The following PCBP3 variants were observed in gnomAD, a reference collection of about 807,000 sequenced individuals.
PCBP3 encodes the protein poly(rC) binding protein 3.
In PCBP3, 25 loss-of-function variants were observed where a neutral mutation model predicts 52.7. The observed-to-expected ratio is 0.47, with a 90% CI of 0.35 to 0.66. The LOEUF is 0.66. Ranked by LOEUF, PCBP3 falls within the 30% of genes least tolerant of loss-of-function variation. The pLI is 0.01. For synonymous variants in PCBP3, 162 were observed against 183.0 expected (o/e 0.89, Z 0.93); for missense variants, 391 against 490.3 (o/e 0.80, Z 1.91).
At chr21:45,882,228 A>T (rs886927582) in intron 5 of PCBP3, among the ~76,000 whole-genome samples, 7 of 152,220 alleles carry the variant, frequency 4.6e-5, no homozygotes, top group African/African-American at 1.2e-4. Context: ...TCTAACAGGT[A>T]TGAGCCGATA....
chr21:45,783,168 T>C (rs954833254), intron 4 of PCBP3, among the ~76,000 whole-genome samples: 5 of 152,172 alleles, frequency 3.3e-5, no homozygotes, highest in African/African-American at 1.2e-4. Flanking sequence ...ATTGCAGAAA[T>C]ATGGTTTTGG....
intron 17 of PCBP3, among the ~76,000 whole-genome samples, chr21:45,940,451 G>C (rs1286309646): frequency 6.6e-6 from 1 of 152,254 alleles, no homozygotes; most frequent in African/African-American, 2.4e-5. Flanking sequence ...CCGGAGGCTA[G>C]AGAGGAAGGC....
At chr21:45,777,541 G>T (rs1355747102) in intron 4 of PCBP3, among the ~76,000 whole-genome samples, 1 of 152,096 alleles carries the variant, frequency 6.6e-6, no homozygotes, top group Non-Finnish European at 1.5e-5. Flanking sequence ...CACCCTTGGG[G>T]ATACTGATAT....
intron 16 of PCBP3, among the ~76,000 whole-genome samples, chr21:45,936,156 G>C (rs1225168023): frequency 6.6e-6 from 1 of 152,182 alleles, no homozygotes; most frequent in East Asian, 1.9e-4. Flanking sequence ...CATACAAGTT[G>C]ACCATAGGAA....
At chr21:45,776,369 T>C (rs1333010075) in intron 4 of PCBP3, among the ~76,000 whole-genome samples, 6 of 152,164 alleles carry the variant, frequency 3.9e-5, no homozygotes, top group Admixed American at 3.9e-4. Context: ...ATTTTCTCTC[T>C]AGAGTGAAAA....
At chr21:45,823,160 C>T (rs2839011) in intron 4 of PCBP3, among the ~76,000 whole-genome samples, 33,266 of 152,134 alleles carry the variant, frequency 0.22, 3,690 homozygotes, top group African/African-American at 0.24. Flanking sequence ...AACTTTCTGG[C>T]CTAAAACTGA....
chr21:45,873,685 G>A (rs1345169204), intron 5 of PCBP3, among the ~76,000 whole-genome samples: 1 of 152,216 alleles, frequency 6.6e-6, no homozygotes, highest in Non-Finnish European at 1.5e-5. Context: ...GCTGGGTACT[G>A]AAAGGCCTTC....
At chr21:45,662,147 CA>C (rs2080437168) in intron 1 of PCBP3, among the ~76,000 whole-genome samples, 2 of 151,958 alleles carry the variant, frequency 1.3e-5, no homozygotes, top group African/African-American at 4.8e-5. Flanking sequence ...TATTAAGTCC[CA>C]TTTGTCTATT....
intron 4 of PCBP3, among the ~76,000 whole-genome samples, chr21:45,782,684 A>G (rs1288754886): frequency 6.6e-6 from 1 of 152,256 alleles, no homozygotes; most frequent in Non-Finnish European, 1.5e-5. Context: ...TTCATGAAAC[A>G]GCCTACCCTG....
chr21:45,863,431 C>T (rs535068448), intron 5 of PCBP3, among the ~76,000 whole-genome samples: 4 of 152,326 alleles, frequency 2.6e-5, no homozygotes, highest in South Asian at 2.1e-4. Context: ...TTAGCTGCTG[C>T]GGCCGTGTGT....
chr21:45,757,982 G>T (rs558242376), intron 4 of PCBP3, among the ~76,000 whole-genome samples: 9 of 151,960 alleles, frequency 5.9e-5, no homozygotes, highest in Non-Finnish European at 1.3e-4. Flanking sequence ...CACCTCCAGG[G>T]CTCAGCTGAT....
chr21:45,753,374 A>G (rs1256934001), intron 3 of PCBP3, among the ~76,000 whole-genome samples: 1 of 151,870 alleles, frequency 6.6e-6, no homozygotes, highest in Non-Finnish European at 1.5e-5. Flanking sequence ...GCTTTAAAGC[A>G]AATTTTGTCT....
intron 13 of PCBP3, among the ~76,000 whole-genome samples, chr21:45,924,310 G>T (rs1174735723): frequency 7.6e-6 from 1 of 130,728 alleles, no homozygotes; most frequent in African/African-American, 3.0e-5. Context: ...GGGAACAGTC[G>T]CGTGGGTAGA....
intron 4 of PCBP3, among the ~76,000 whole-genome samples, chr21:45,808,428 A>C (rs1470082510): frequency 3.3e-5 from 5 of 152,222 alleles, no homozygotes; most frequent in Admixed American, 3.3e-4. Flanking sequence ...CGGCCAAAAA[A>C]CGTGAAAAAA....
intron 1 of PCBP3, among the ~76,000 whole-genome samples, chr21:45,662,931 G>T (rs1482568249): frequency 6.6e-6 from 1 of 152,088 alleles, no homozygotes; most frequent in Non-Finnish European, 1.5e-5. Flanking sequence ...GGGGAGTTTA[G>T]AAAAGACTCT....
chr21:45,923,753 A>G (rs2074831601), intron 13 of PCBP3, among the ~76,000 whole-genome samples: 2 of 152,244 alleles, frequency 1.3e-5, no homozygotes, highest in African/African-American at 4.8e-5. Flanking sequence ...ATAAACAAAT[A>G]ATACAAATAA....
chr21:45,918,329 G>A (rs111276064), intron 13 of PCBP3: 2 of 101,860 alleles, frequency 2.0e-5, no homozygotes, highest in South Asian at 2.7e-4. Context: ...TCAGATAAAC[G>A]GTCGGTGTAA....
chr21:45,873,697 G>A (rs1349081597), intron 5 of PCBP3, among the ~76,000 whole-genome samples: 3 of 152,196 alleles, frequency 2.0e-5, no homozygotes, highest in Non-Finnish European at 2.9e-5. Context: ...AAGGCCTTCC[G>A]CTCTGCCCAT....
chr21:45,663,164 TC>T (rs1326194654), intron 1 of PCBP3, among the ~76,000 whole-genome samples: 2 of 1,158 alleles, frequency 1.7e-3, no homozygotes, highest in Non-Finnish European at 2.2e-3. Context: ...AGCTGTCTCC[TC>T]TCTCTCTCTC....
Sources: gnomAD v4.1 joint callset for allele counts (sites outside exome capture counted in the v4.1 genomes callset) on GRCh38, gnomAD v4.1.1 for gene constraint, MANE v1.5 for transcripts, NCBI Gene and HGNC (gene_info 2026-07-23, HGNC 2026-07-21) for gene names.